Variants in PCSK6 observed in about 807,000 individuals in gnomAD.
PCSK6 encodes proprotein convertase subtilisin/kexin type 6.
A neutral mutation model predicts 123.3 loss-of-function variants in PCSK6; 85 were observed. The observed-to-expected ratio is 0.69, with a 90% CI of 0.58 to 0.83. The LOEUF (loss-of-function observed/expected upper bound fraction) is 0.83. PCSK6 is among the 40% of genes least tolerant of loss of function. The pLI is 0.00. For synonymous variants in PCSK6, 508 were observed against 516.0 expected (o/e 0.98, Z 0.21); for missense variants, 1,191 against 1,282.3 (o/e 0.93, Z 1.09).
chr15:101,393,257 G>C lies in PCSK6; in HGVS notation c.1164C>G (p.Thr388=). 1 of 1,613,586 alleles carries C rather than the reference G, an allele frequency of 6.2e-7. No homozygotes were observed. Among genetic ancestry groups the C allele is most frequent in the Non-Finnish European group, 8.5e-7 (1 of 1,179,932 alleles). ...KPWYLEECAS[T]LATTYSSGAF... is the part of the protein sequence containing the mutation. ...CCCCACTGCTGTAGGTGGTGGCCAG[G>C]GTGGAGGCACACTCTTCCAGGTACC... The change falls in exon 8 of 22, where the codon ACC becomes ACG. Residue 388 remains threonine, a synonymous_variant. Coordinates refer to ENST00000611716, the MANE Select transcript of PCSK6 (RefSeq NM_002570.5).
chr15:101,343,686 T>C (rs1196090287), intron 13 of PCSK6, among the ~76,000 whole-genome samples: 1 of 152,248 alleles, frequency 6.6e-6, no homozygotes, highest in Non-Finnish European at 1.5e-5. Context: ...AACTTAAGTG[T>C]AATGTCAGAG....
At chr15:101,369,158 G>A (rs1351001578) in intron 12 of PCSK6, among the ~76,000 whole-genome samples, 3 of 152,234 alleles carry the variant, frequency 2.0e-5, no homozygotes, top group Non-Finnish European at 2.9e-5. Context: ...GCTCCAGCTT[G>A]CCTGCTGCAG....
At chr15:101,450,505 C>T (rs190796493) in intron 1 of PCSK6, among the ~76,000 whole-genome samples, 1 of 152,364 alleles carries the variant, frequency 6.6e-6, no homozygotes, top group African/African-American at 2.4e-5. Context: ...GTCCTCCCTC[C>T]CTCCACCATA....
chr15:101,428,488 C>T (rs2056336583), intron 5 of PCSK6, among the ~76,000 whole-genome samples: 1 of 152,200 alleles, frequency 6.6e-6, no homozygotes, highest in South Asian at 2.1e-4. Flanking sequence ...CTGAGGCAGC[C>T]CTTCCTGTGC....
chr15:101,358,450 CT>C (rs1434221234), intron 13 of PCSK6, among the ~76,000 whole-genome samples: 1 of 152,192 alleles, frequency 6.6e-6, no homozygotes, highest in African/African-American at 2.4e-5. Context: ...ACTGGTGGCC[CT>C]TGGGCCCTTG....
intron 6 of PCSK6, among the ~76,000 whole-genome samples, chr15:101,404,546 C>T (rs759179420): frequency 7.0e-4 from 107 of 152,244 alleles, no homozygotes; most frequent in African/African-American, 2.3e-3. Flanking sequence ...TCGTGGCCGC[C>T]GGCAAGATAC....
intron 13 of PCSK6, chr15:101,346,499 G>A (rs1230078873): frequency 5.0e-6 from 1 of 198,502 alleles, no homozygotes; most frequent in Non-Finnish European, 1.0e-5. Flanking sequence ...AAAAGACCAA[G>A]TAGAAATGCC....
intron 5 of PCSK6, 26 bp downstream of exon 5, chr15:101,429,961 C>CG (rs1341733768): frequency 1.9e-6 from 3 of 1,582,722 alleles, no homozygotes; most frequent in Admixed American, 1.7e-5. Context: ...GAAGAGAAGC[C>CG]GGGGAGATGA....
intron 20 of PCSK6, 106 bp from the exon 21 acceptor site, chr15:101,307,431 G>C (rs1467159656): frequency 1.3e-6 from 1 of 749,816 alleles, no homozygotes; most frequent in Non-Finnish European, 2.3e-6. Context: ...CACCCCCTCA[G>C]CCTCGGTCCT....
chr15:101,395,806 G>A (rs778144537), intron 7 of PCSK6, among the ~76,000 whole-genome samples: 7 of 152,268 alleles, frequency 4.6e-5, no homozygotes, highest in South Asian at 4.2e-4. Flanking sequence ...AGCAAACACC[G>A]GCCACCTGGA....
chr15:101,375,167 G>A (rs2041698533), intron 11 of PCSK6, among the ~76,000 whole-genome samples: 2 of 152,226 alleles, frequency 1.3e-5, no homozygotes, highest in South Asian at 2.1e-4. Context: ...TGGCCACGCT[G>A]GTCTCAAACT....
chr15:101,321,492 A>G (rs2040121235), intron 18 of PCSK6, among the ~76,000 whole-genome samples: 1 of 152,240 alleles, frequency 6.6e-6, no homozygotes, highest in African/African-American at 2.4e-5. Context: ...AATTATGTCT[A>G]CTTCACAGGT....
chr15:101,346,845 G>A, intron 13 of PCSK6: 2 of 1,231,592 alleles, frequency 1.6e-6, no homozygotes, highest in Non-Finnish European at 2.0e-6. Context: ...AAACAATACT[G>A]TGATTCATAA....
intron 6 of PCSK6, among the ~76,000 whole-genome samples, chr15:101,425,044 C>T (rs1477865938): frequency 2.6e-5 from 4 of 152,244 alleles, no homozygotes; most frequent in African/African-American, 9.6e-5. Context: ...CAGGTAGGAG[C>T]CCCAGGGGTG....
At chr15:101,360,075 C>A (rs551776212) in intron 13 of PCSK6, among the ~76,000 whole-genome samples, 1 of 152,088 alleles carries the variant, frequency 6.6e-6, no homozygotes, top group Non-Finnish European at 1.5e-5. Flanking sequence ...GTCATCCATG[C>A]CCCCTCTCTC....
chr15:101,432,908 G>A (rs909893846), intron 2 of PCSK6, among the ~76,000 whole-genome samples: 2 of 152,178 alleles, frequency 1.3e-5, no homozygotes, highest in Non-Finnish European at 2.9e-5. Context: ...ACCAAAACAT[G>A]CACAGAGAAA....
intron 20 of PCSK6, among the ~76,000 whole-genome samples, chr15:101,311,213 C>T (rs547529771): frequency 9.9e-5 from 15 of 151,788 alleles, no homozygotes; most frequent in South Asian, 2.1e-4. Context: ...TTGGTTCAAG[C>T]GATTCTCCTG....
In PCSK6 at chr15:101,472,102, G is replaced by A. The variant is rs751509827; in HGVS notation, c.297+17272C>T. Among the ~76,000 whole-genome samples the A allele has an allele frequency of 3.3e-5, 5 of 152,166 alleles. No homozygotes were observed. In the East Asian group the frequency reaches 5.8e-4, roughly 18 times the overall value. The stretch of plus-strand genomic sequence containing the variant: ...GAAAAAAAAATCGAACGGAGGCATC[G>A]CCCCAGATTGCTGAGAACCCAGCAA... On this transcript the variant is annotated intron_variant, in intron 1 of 21. Coordinates refer to ENST00000611716, the MANE Select transcript of PCSK6 (RefSeq NM_002570.5).
At position 101,464,027 on chromosome 15, in the gene PCSK6, G is replaced by C. The variant is rs549386816; in HGVS notation, c.298-20367C>G. The stretch of plus-strand genomic sequence containing the variant: ...GTCTCTTACAGTTTTAGGAAGGTGA[G>C]GAAGAAGTGTCCGCAGGGCAGGGAA... On this transcript the variant is annotated intron_variant, in intron 1 of 21. Coordinates refer to ENST00000611716, the MANE Select transcript of PCSK6 (RefSeq NM_002570.5). Among the ~76,000 whole-genome samples the C allele has an allele frequency of 1.2e-3, 180 of 152,232 alleles. 2 individuals carry two copies. The highest frequency in any genetic ancestry group is 4.2e-3 in the African/African-American group (174 of 41,542).
Sources: gnomAD v4.1 joint callset for allele counts (sites outside exome capture counted in the v4.1 genomes callset) on GRCh38, gnomAD v4.1.1 for gene constraint, MANE v1.5 for transcripts, NCBI Gene and HGNC (gene_info 2026-07-23, HGNC 2026-07-21) for gene names.